The following MICAL2 variants were observed in gnomAD, a reference collection of about 807,000 sequenced individuals.
MICAL2 encodes microtubule associated monooxygenase, calponin and LIM domain containing 2, also known as [F-actin]-monooxygenase MICAL2.
In MICAL2, 77 loss-of-function variants were observed where a neutral mutation model predicts 127.3. The ratio of observed to expected loss-of-function variants is 0.60; its 90% confidence interval spans 0.50 to 0.73. The LOEUF (loss-of-function observed/expected upper bound fraction) is 0.73, where lower values mean the gene tolerates loss of function less well. Among genes scored for constraint, MICAL2 ranks in the 30% least tolerant of loss-of-function variants. The probability of loss-of-function intolerance (pLI) is 0.00; values close to 1 mark genes in which losing one functional copy is unlikely to be tolerated. For missense variants in MICAL2, 1,351 were observed against 1,434.4 expected, an observed-to-expected ratio of 0.94 and a Z score of 0.94; for synonymous variants, 570 against 551.1, an observed-to-expected ratio of 1.03 and a Z score of -0.48.
chr11:12,310,732 G>C (rs1257247126), intron 29 of MICAL2, among the ~76,000 whole-genome samples: 1 of 152,026 alleles, frequency 6.6e-6, no homozygotes, highest in East Asian at 1.9e-4. Context: ...TATTTTGATA[G>C]GGGTTGCATT....
intron 1 of MICAL2, among the ~76,000 whole-genome samples, chr11:12,279,503 T>G (rs1457490187): frequency 6.6e-6 from 1 of 151,968 alleles, no homozygotes; most frequent in East Asian, 1.9e-4. Flanking sequence ...GCCTTCAGAG[T>G]CTTCTAAGCC....
chr11:12,216,116 C>T (rs1166553718), intron 7 of MICAL2, 103 bp from the exon 8 acceptor site: 1 of 829,754 alleles, frequency 1.2e-6, no homozygotes, highest in African/African-American at 1.7e-5. Context: ...CATGAATATT[C>T]TGCAGATAAA....
chr11:12,304,689 C>CACAG (rs1864089040), intron 29 of MICAL2, among the ~76,000 whole-genome samples: 1 of 131,480 alleles, frequency 7.6e-6, no homozygotes, highest in Non-Finnish European at 1.8e-5. Context: ...CACACACACA[C>CACAG]ACACAAAACA....
In MICAL2 at chr11:12,226,316, A is replaced by C; in HGVS notation, c.1834A>C (p.Met612Leu). Residue 612 changes from methionine to leucine, a missense_variant, in exon 14 of 28, where the codon ATG (methionine) becomes CTG (leucine). Coordinates refer to ENST00000683283, the MANE Select transcript of MICAL2 (RefSeq NM_001282663.2). ...AQEPDKLSMVMYLSKFYELFR... is the reference protein window; with the variant it reads ...AQEPDKLSMVLYLSKFYELFR... ...GGAGCCTGACAAGCTCAGCATGGTCATGTACCTCTCCAAGTTCTACGAGCT... is the reference window on the plus strand; with the variant it reads ...GGAGCCTGACAAGCTCAGCATGGTCCTGTACCTCTCCAAGTTCTACGAGCT... The C allele has an allele frequency of 6.2e-7, 1 of 1,614,204 alleles. No individual in the cohort carries two copies.
At chr11:12,175,794 G>A (rs187117816) in intron 3 of MICAL2, among the ~76,000 whole-genome samples, 12 of 152,242 alleles carry the variant, frequency 7.9e-5, no homozygotes, top group African/African-American at 2.9e-4. Flanking sequence ...AGGAGCAGCA[G>A]GTACAGAGGT....
chr11:12,339,329 A>G (rs906789975), intron 32 of MICAL2, among the ~76,000 whole-genome samples: 2 of 151,812 alleles, frequency 1.3e-5, no homozygotes, highest in African/African-American at 2.4e-5. Context: ...CTCTTCATTG[A>G]TTATTCTAGT....
At chr11:12,155,809 G>A (rs908804136) in intron 2 of MICAL2, among the ~76,000 whole-genome samples, 1 of 152,196 alleles carries the variant, frequency 6.6e-6, no homozygotes, top group African/African-American at 2.4e-5. Flanking sequence ...CCCTGATGAC[G>A]TTGGCTTCCT....
At chr11:12,264,028 G>C (rs975417609), downstream of MICAL2, among the ~76,000 whole-genome samples, 3 of 152,138 alleles carry the variant, frequency 2.0e-5, no homozygotes, top group Non-Finnish European at 4.4e-5. Context: ...ATTGTACTTT[G>C]CTGTTCTAGA....
At chr11:12,250,373 C>T (rs1861379806) in intron 22 of MICAL2, 2 of 152,238 alleles carry the variant, frequency 1.3e-5, no homozygotes, top group Non-Finnish European at 2.9e-5. Context: ...TATCCATTCC[C>T]TCAAGCATTT....
chr11:12,209,402 T>C, intron 5 of MICAL2, 95 bp from the exon 6 acceptor site: 1 of 967,072 alleles, frequency 1.0e-6, no homozygotes, highest in African/African-American at 1.6e-5. Context: ...CAGACCTGGC[T>C]GCACTGTCCA....
downstream of MICAL2, among the ~76,000 whole-genome samples, chr11:12,295,398 C>T (rs1201578359): frequency 1.3e-5 from 2 of 150,506 alleles, no homozygotes; most frequent in Non-Finnish European, 2.9e-5. Flanking sequence ...TCTCAACCTC[C>T]CAAAGTGTTG....
intron 32 of MICAL2, among the ~76,000 whole-genome samples, chr11:12,337,374 A>G (rs1285615163): frequency 6.6e-6 from 1 of 152,072 alleles, no homozygotes; most frequent in South Asian, 2.1e-4. Context: ...CTAGCGGTCT[A>G]TCAATTTTGT....
At chr11:12,216,649 G>T (rs1299034853) in intron 8 of MICAL2, among the ~76,000 whole-genome samples, 1 of 152,164 alleles carries the variant, frequency 6.6e-6, no homozygotes, top group Non-Finnish European at 1.5e-5. Context: ...GGAGGCAGAT[G>T]GGGGCTCCTT....
At chr11:12,334,130 GAC>G (rs1938701342) in intron 32 of MICAL2, among the ~76,000 whole-genome samples, 1 of 152,124 alleles carries the variant, frequency 6.6e-6, no homozygotes, top group East Asian at 1.9e-4. Context: ...GAAATGAAAA[GAC>G]ACTCATTTGG....
chr11:12,273,266 TA>T (rs1469135350), upstream of MICAL2, among the ~76,000 whole-genome samples: 1 of 152,218 alleles, frequency 6.6e-6, no homozygotes, highest in Non-Finnish European at 1.5e-5. Flanking sequence ...TGAGATTTAA[TA>T]GACTTAATAC....
chr11:12,353,021 T>C (rs1273549552), intron 33 of MICAL2, among the ~76,000 whole-genome samples: 1 of 152,190 alleles, frequency 6.6e-6, no homozygotes, highest in Non-Finnish European at 1.5e-5. Flanking sequence ...GAAAGTTCTC[T>C]TAAAGGAAGA....
intron 24 of MICAL2, among the ~76,000 whole-genome samples, chr11:12,271,016 T>C (rs1259885144): frequency 6.6e-6 from 1 of 152,114 alleles, no homozygotes; most frequent in East Asian, 1.9e-4. Flanking sequence ...TTGGGAGCCA[T>C]GTGTGAGGAC....
downstream of MICAL2, chr11:12,358,780 A>G (rs963859037): frequency 5.0e-6 from 1 of 200,828 alleles, no homozygotes; most frequent in African/African-American, 2.3e-5. Flanking sequence ...TGACACAAAG[A>G]CTTGACTTTC....
chr11:12,228,679 G>A (rs1392669537), intron 15 of MICAL2, among the ~76,000 whole-genome samples: 2 of 152,140 alleles, frequency 1.3e-5, no homozygotes, highest in Admixed American at 6.5e-5. Flanking sequence ...AGAGGGAGTC[G>A]GGAAGCCCAC....
Sources: gnomAD v4.1 joint callset for allele counts (sites outside exome capture counted in the v4.1 genomes callset) on GRCh38, gnomAD v4.1.1 for gene constraint, MANE v1.5 for transcripts, NCBI Gene and HGNC (gene_info 2026-07-23, HGNC 2026-07-21) for gene names.